The following PRADC1 variants were observed in gnomAD, a reference collection of about 807,000 sequenced individuals.
The protein encoded by PRADC1 is protease associated domain containing 1, also known as protease-associated domain-containing protein 1.
Under a neutral mutation model 22.9 loss-of-function variants are expected in PRADC1, and 23 were observed. The ratio of observed to expected loss-of-function variants is 1.00; its 90% CI spans 0.72 to 1.42. PRADC1 has a LOEUF of 1.42. Among genes scored for constraint, PRADC1 ranks in the 40% most tolerant of loss-of-function variants. The pLI is 0.00. For synonymous variants in PRADC1, 71 were observed against 100.3 expected (o/e 0.71, Z 1.75); for missense variants, 207 against 258.3 (o/e 0.80, Z 1.36).
intron 3 of PRADC1, among the ~76,000 whole-genome samples, 181 bp from the exon 4 acceptor site, chr2:73,229,143 G>T (rs752256016): frequency 6.6e-6 from 1 of 151,720 alleles, no homozygotes; most frequent in Non-Finnish European, 1.5e-5. Flanking sequence ...TTTTTTTGGA[G>T]ACTGGGTTTT....
In PRADC1 at chr2:73,228,909, G is replaced by A. The variant is rs199963053; in HGVS notation, c.332C>T (p.Ala111Val). Residue 111 changes from alanine to valine, a missense_variant, in exon 4 of 5, where the codon GCG (alanine) becomes GTG (valine). Coordinates refer to ENST00000258083, the MANE Select transcript of PRADC1 (RefSeq NM_032319.3). The surrounding 1 kb of genome is among the most constrained non-coding windows in gnomAD (Gnocchi z 4.0). The part of the protein sequence containing the change: ...TRVVQEHGGR[A>V]VIISDNAVDN... The stretch of plus-strand genomic sequence containing the variant: ...AACTGCGTTGTCAGAGATGATCACC[G>A]CCCGCCCGCCGTGCTCCTGGACCAC... 85 of 1,613,340 alleles carry A rather than the reference G, an allele frequency of 5.3e-5. 1 individual carries two copies. The highest frequency in any genetic ancestry group is 2.8e-4 in the Admixed American group (17 of 59,944).
At position 73,228,537 on chromosome 2, in the gene PRADC1, G is replaced by A. The variant is rs1454987251; in HGVS notation, c.484C>T (p.Pro162Ser). The A allele has an allele frequency of 6.2e-7, 1 of 1,614,102 alleles. No homozygotes were observed. Among genetic ancestry groups the A allele is most frequent in the Non-Finnish European group, 8.5e-7 (1 of 1,180,052 alleles). ...ACTGGGATGGAAATGATGGCCCATG[G>A]CAGCCCATGCTGTTCCAGAGAGCGG... ...IRRSLEQHGL[P>S]WAIISIPVNV... Residue 162 changes from proline (P) to serine (S), a missense_variant, in exon 5 of 5, where the codon CCA (proline) becomes TCA (serine). Physicochemically the swap from Pro to Ser is moderately conservative, Grantham distance 74 (BLOSUM62 -1). Transcript: ENST00000258083. This position sits in a 1 kb window ranked among gnomAD's most constrained non-coding sequence, Gnocchi z 4.0.
At chr2:73,232,942 C>T (rs924033621) in intron 1 of PRADC1, 152 bp downstream of exon 1, 4 of 787,686 alleles carry the variant, frequency 5.1e-6, no homozygotes, top group Non-Finnish European at 7.6e-6. Flanking sequence ...GTCCTTGGAC[C>T]ACCACCCACT....
chr2:73,229,377 G>T, intron 3 of PRADC1, 84 bp downstream of exon 3: 2 of 948,750 alleles, frequency 2.1e-6, no homozygotes, highest in Non-Finnish European at 3.4e-6. Flanking sequence ...TTCAAAAACA[G>T]CTCTTTCAAA....
At chr2:73,230,471 A>G (rs1686616501) in intron 1 of PRADC1, among the ~76,000 whole-genome samples, 1 of 151,670 alleles carries the variant, frequency 6.6e-6, no homozygotes, top group Admixed American at 6.6e-5. Context: ...AGGAAAACTG[A>G]GAGCTCCAGG....
intron 1 of PRADC1, among the ~76,000 whole-genome samples, 200 bp downstream of exon 1, chr2:73,232,891 TGAG>T (rs1474185018): frequency 6.6e-6 from 1 of 152,032 alleles, no homozygotes; most frequent in Admixed American, 6.5e-5. Flanking sequence ...CGTGGGAAGG[TGAG>T]GAGTCAGAGC....
chr2:73,228,671 C>A lies in PRADC1; in HGVS notation c.447-97G>T. 1.3e-6 allele frequency: 2 copies of A among 1,596,610 alleles called. No homozygotes were observed. Among genetic ancestry groups the A allele is most frequent in the Non-Finnish European group, 1.7e-6 (2 of 1,168,976 alleles). On this transcript the variant is annotated intron_variant, in intron 4 of 4. Transcript: ENST00000258083. The surrounding 1 kb of genome is among the most constrained non-coding windows in gnomAD (Gnocchi z 4.0). ...ATCTGGGAGTTCCAAAGCCCGAGATCTTTTTTTGCCCTCTAACTGAAGCAC... is the reference window on the plus strand; with the variant it reads ...ATCTGGGAGTTCCAAAGCCCGAGATATTTTTTTGCCCTCTAACTGAAGCAC...
In PRADC1 at chr2:73,229,553, C is replaced by G; in HGVS notation, c.186G>C (p.Gln62His). Reference protein sequence around the residue: ...FGGIFHTRYEQIHLVPAEPPE... With the variant: ...FGGIFHTRYEHIHLVPAEPPE... ...GAGGTTCAGCGGGGACAAGGTGAAT[C>G]TGCTCATACCTTGTGTGCTGAAAAA... Residue 62 changes from glutamine (Q) to histidine (H), a missense_variant, in exon 3 of 5, where the codon CAG becomes CAC. Coordinates refer to ENST00000258083, the MANE Select transcript of PRADC1 (RefSeq NM_032319.3). 1 of 1,613,570 alleles carries G rather than the reference C, an allele frequency of 6.2e-7. No homozygotes were observed. The highest frequency in any genetic ancestry group is 8.5e-7 in the Non-Finnish European group (1 of 1,179,658).
Position 73,228,713 on chromosome 2 carries a change from C to A in PRADC1, c.446+82G>T, listed in dbSNP as rs2103729682. The A allele has an allele frequency of 1.3e-6, 2 of 1,583,450 alleles. No homozygotes were observed. Among genetic ancestry groups the A allele is most frequent in the Non-Finnish European group, 1.7e-6 (2 of 1,161,526 alleles). ...CTGAAGCACCCCAAGTTGAGGCCTG[C>A]AAGAAGGGACTGGTGATTACCCCTG... On this transcript the variant is annotated intron_variant, in intron 4 of 4. Transcript: ENST00000258083. The surrounding 1 kb of genome is among the most constrained non-coding windows in gnomAD (Gnocchi z 4.0).
Position 73,228,895 on chromosome 2 carries a change from C to CA in PRADC1, c.345dup (p.Asp116Ter). 1 of 1,613,700 alleles carries CA rather than the reference C, an allele frequency of 6.2e-7. No individual in the cohort carries two copies. The highest frequency in any genetic ancestry group is 8.5e-7 in the Non-Finnish European group (1 of 1,179,942). On this transcript the variant is annotated frameshift_variant, in exon 4 of 5. Transcript: ENST00000258083. LOFTEE classifies it high-confidence loss of function. This position sits in a 1 kb window ranked among gnomAD's most constrained non-coding sequence, Gnocchi z 4.0. ...AAGCTGTCATTGTCAACTGCGTTGT[C>CA]AGAGATGATCACCGCCCGCCCGCCG...
chr2:73,229,331 T>C (rs775757031), intron 3 of PRADC1, 130 bp downstream of exon 3: 168 of 746,542 alleles, frequency 2.3e-4, no homozygotes, highest in Non-Finnish European at 3.5e-4. Flanking sequence ...TTGCCCAGGC[T>C]AGACATTTCT....
Position 73,229,455 on chromosome 2 carries a change from C to CCTCGTGTCCTGCCTGCCCACTT in PRADC1, c.278+5_278+6insAAGTGGGCAGGCAGGACACGAG. On this transcript the variant is annotated splice_donor_region_variant and intron_variant, in intron 3 of 4. Coordinates refer to ENST00000258083, the MANE Select transcript of PRADC1 (RefSeq NM_032319.3). Reference sequence around the variant, plus strand: ...ACTCCTCGTGTCCTGCCTGCCCACTCCTTACCCCCTCTCCACCAGAGCAAT... The same window carrying CCTCGTGTCCTGCCTGCCCACTT: ...ACTCCTCGTGTCCTGCCTGCCCACTCCTCGTGTCCTGCCTGCCCACTTCTTACCCCCTCTCCACCAGAGCAAT... The CCTCGTGTCCTGCCTGCCCACTT allele has an allele frequency of 6.2e-7, 1 of 1,607,284 alleles. No individual in the cohort carries two copies. The highest frequency in any genetic ancestry group is 1.3e-5 in the African/African-American group (1 of 74,938).
At position 73,228,737 on chromosome 2, in the gene PRADC1, T is replaced by C; in HGVS notation, c.446+58A>G. The stretch of plus-strand genomic sequence containing the variant: ...GCAAGAAGGGACTGGTGATTACCCC[T>C]GACCCAGTCATGGCGCCCAGCCTGG... On this transcript the variant is annotated intron_variant, in intron 4 of 4. Coordinates refer to ENST00000258083, the MANE Select transcript of PRADC1 (RefSeq NM_032319.3). This position sits in a 1 kb window ranked among gnomAD's most constrained non-coding sequence, Gnocchi z 4.0. 2 of 1,589,596 alleles carry C rather than the reference T, an allele frequency of 1.3e-6. No homozygotes were observed. Among genetic ancestry groups the C allele is most frequent in the Non-Finnish European group, 1.7e-6 (2 of 1,164,492 alleles).
At chr2:73,230,248 A>G in intron 1 of PRADC1, 35 bp from the exon 2 acceptor site, 1 of 1,479,468 alleles carries the variant, frequency 6.8e-7, no homozygotes, top group Non-Finnish European at 9.4e-7. Flanking sequence ...GAAGCCTCCC[A>G]GGAACAAGCT....
At position 73,228,975 on chromosome 2, in the gene PRADC1, G is replaced by A; in HGVS notation, c.279-13C>T. 6.2e-7 allele frequency: 1 copy of A among 1,613,100 alleles called. No homozygotes were observed. The highest frequency in any genetic ancestry group is 1.3e-5 in the African/African-American group (1 of 75,028). On this transcript the variant is annotated splice_polypyrimidine_tract_variant and intron_variant, in intron 3 of 4. Coordinates refer to ENST00000258083, the MANE Select transcript of PRADC1 (RefSeq NM_032319.3). This position sits in a 1 kb window ranked among gnomAD's most constrained non-coding sequence, Gnocchi z 4.0. ...GAAGGAGCAGCCCCTGGAAGAGGTGGTGATAAGACCAAAGGAAAGACAGGT... is the reference window on the plus strand; with the variant it reads ...GAAGGAGCAGCCCCTGGAAGAGGTGATGATAAGACCAAAGGAAAGACAGGT...
chr2:73,231,886 T>C (rs183072345), intron 1 of PRADC1, among the ~76,000 whole-genome samples: 2 of 152,350 alleles, frequency 1.3e-5, no homozygotes, highest in East Asian at 3.9e-4. Context: ...TGAACAACTA[T>C]ATCTAGCTCC....
At chr2:73,230,607 G>A (rs897458723) in intron 1 of PRADC1, among the ~76,000 whole-genome samples, 1 of 152,204 alleles carries the variant, frequency 6.6e-6, no homozygotes, top group Non-Finnish European at 1.5e-5. Flanking sequence ...CTTAAGTCTA[G>A]TCACTATCAT....
chr2:73,228,367 C>G lies in PRADC1; in HGVS notation c.*87G>C. 4 of 1,540,642 alleles carry G rather than the reference C, an allele frequency of 2.6e-6. No individual in the cohort carries two copies. Among genetic ancestry groups the G allele is most frequent in the Non-Finnish European group, 3.5e-6 (4 of 1,128,780 alleles). ...ACCTGGCTCCACTTGTCCCCAGATGCTATCTCCAAATTCCAAGTAGCAAAA... is the reference window on the plus strand; with the variant it reads ...ACCTGGCTCCACTTGTCCCCAGATGGTATCTCCAAATTCCAAGTAGCAAAA... On this transcript the variant is annotated 3_prime_UTR_variant, in exon 5 of 5. Coordinates refer to ENST00000258083, the MANE Select transcript of PRADC1 (RefSeq NM_032319.3). The surrounding 1 kb of genome is among the most constrained non-coding windows in gnomAD (Gnocchi z 4.0).
intron 2 of PRADC1, chr2:73,229,823 C>A: frequency 1.7e-6 from 1 of 587,496 alleles, no homozygotes; most frequent in African/African-American, 1.9e-5. Flanking sequence ...AAGTGATGTG[C>A]CTTAAGTCAC....
Sources: gnomAD v4.1 joint callset for allele counts (sites outside exome capture counted in the v4.1 genomes callset) on GRCh38, gnomAD v4.1.1 for gene constraint, Gnocchi (gnomAD v3.1) non-coding constraint, MANE v1.5 for transcripts, NCBI Gene and HGNC (gene_info 2026-07-23, HGNC 2026-07-21) for gene names.